The following RYR3 variants were observed in gnomAD, a reference collection of about 807,000 sequenced individuals.
The protein encoded by RYR3 is brain ryanodine receptor-calcium release channel.
Under a neutral mutation model 584.3 loss-of-function variants are expected in RYR3, and 207 were observed. That is an observed-to-expected ratio of 0.35 (90% CI 0.32 to 0.40). The LOEUF (loss-of-function observed/expected upper bound fraction) is 0.40, where lower values mean the gene tolerates loss of function less well. Ranked by LOEUF, RYR3 falls within the 10% of genes least tolerant of loss-of-function variation. RYR3 has a pLI of 1.00. For synonymous variants in RYR3, 2,416 were observed against 2,248.5 expected (o/e 1.07, Z -2.11); for missense variants, 5,616 against 6,089.2 (o/e 0.92, Z 2.59).
rs1555448829 is a variant in RYR3 at position 33,379,687 on chromosome 15, C to CTATATATATA, written c.51+68603_51+68612dup. ...TGTCCCTCTCTCTCTCTCTCTCTCT[C>CTATATATATA]TATATATATATATATATATATGAAT... On this transcript the variant is annotated intron_variant, in intron 1 of 103. Coordinates refer to ENST00000634891, the MANE Select transcript of RYR3 (RefSeq NM_001036.6). Among the ~76,000 whole-genome samples the CTATATATATA allele has an allele frequency of 2.3e-4, 29 of 125,490 alleles. 1 individual carries two copies. The highest frequency in any genetic ancestry group is 3.5e-4 in the Non-Finnish European group (22 of 62,166). The allele number at this position is 125,490 out of a possible 152,430, so 82.3% of individuals were successfully genotyped here.
intron 38 of RYR3, among the ~76,000 whole-genome samples, chr15:33,685,976 C>T: frequency 6.6e-6 from 1 of 152,030 alleles, no homozygotes. Context: ...ACTAAATGCC[C>T]ACAAGAGAAA....
At chr15:33,595,146 C>G (rs930541422) in intron 16 of RYR3, among the ~76,000 whole-genome samples, 2 of 152,142 alleles carry the variant, frequency 1.3e-5, no homozygotes, top group African/African-American at 4.8e-5. Context: ...ACACTTGATA[C>G]TACAAAATAG....
At chr15:33,680,704 T>A (rs913524117) in intron 38 of RYR3, among the ~76,000 whole-genome samples, 1 of 152,346 alleles carries the variant, frequency 6.6e-6, no homozygotes, top group South Asian at 2.1e-4. Context: ...TTGGGTCATT[T>A]TACATTCCTG....
chr15:33,565,001 A>G (rs2057626183), intron 11 of RYR3, among the ~76,000 whole-genome samples: 1 of 152,220 alleles, frequency 6.6e-6, no homozygotes, highest in Admixed American at 6.5e-5. Context: ...GAGCACAAAC[A>G]GAATGAAACA....
At chr15:33,708,392 C>T (rs1233036302) in intron 43 of RYR3, among the ~76,000 whole-genome samples, 1 of 152,194 alleles carries the variant, frequency 6.6e-6, no homozygotes, top group Middle Eastern at 3.2e-3. Context: ...ATGAGACCAT[C>T]TACCTGGATC....
intron 1 of RYR3, among the ~76,000 whole-genome samples, chr15:33,353,981 G>A (rs1973625108): frequency 6.6e-6 from 1 of 152,164 alleles, no homozygotes; most frequent in African/African-American, 2.4e-5. Flanking sequence ...GAGCAGATTG[G>A]ACATTGATTT....
chr15:33,778,045 C>T (rs2074128284), intron 64 of RYR3, among the ~76,000 whole-genome samples: 1 of 152,078 alleles, frequency 6.6e-6, no homozygotes, highest in African/African-American at 2.4e-5. Context: ...TGGTGCGTGC[C>T]TGTAGTCCCA....
intron 10 of RYR3, among the ~76,000 whole-genome samples, chr15:33,553,334 T>C (rs2141272245): frequency 6.6e-6 from 1 of 152,282 alleles, no homozygotes; most frequent in African/African-American, 2.4e-5. Context: ...TCAGGTTGCA[T>C]TAGCTTGTGA....
intron 3 of RYR3, among the ~76,000 whole-genome samples, chr15:33,528,089 T>A (rs1450361971): frequency 6.6e-6 from 1 of 152,156 alleles, no homozygotes; most frequent in Non-Finnish European, 1.5e-5. Context: ...TTTTTCTACT[T>A]CTGTGGCTTG....
chr15:33,739,468 G>T (rs1382217270), intron 50 of RYR3, among the ~76,000 whole-genome samples: 1 of 151,816 alleles, frequency 6.6e-6, no homozygotes, highest in Non-Finnish European at 1.5e-5. Flanking sequence ...CCAGTTATAA[G>T]TTGGGTCCGT....
intron 96 of RYR3, among the ~76,000 whole-genome samples, 172 bp downstream of exon 96, chr15:33,853,854 A>C (rs2079359770): frequency 6.6e-6 from 1 of 152,138 alleles, no homozygotes; most frequent in African/African-American, 2.4e-5. Context: ...TTGAAGACTA[A>C]TACATTTTTA....
Position 33,400,496 on chromosome 15 carries a change from C to T in RYR3, c.52-72923C>T, listed in dbSNP as rs559962276. On this transcript the variant is annotated intron_variant, in intron 1 of 103. Transcript: ENST00000634891. Reference sequence around the variant, plus strand: ...ACGTGCTGGGGGAAAAGCAGGTGAGCTCCTGTGTGATTTCCCTATTTAGAG... The same window carrying T: ...ACGTGCTGGGGGAAAAGCAGGTGAGTTCCTGTGTGATTTCCCTATTTAGAG... Among the ~76,000 whole-genome samples the T allele has an allele frequency of 1.4e-4, 22 of 152,288 alleles. No individual in the cohort carries two copies. In the East Asian group the frequency reaches 2.7e-3, roughly 19 times the overall value.
In RYR3 at chr15:33,801,941, A is replaced by G; in HGVS notation, c.9991A>G (p.Ser3331Gly). Residue 3331 changes from serine to glycine, a missense_variant, in exon 69 of 104, where the codon AGC becomes GGC. By Grantham distance (56) the Ser-to-Gly change is moderately conservative. Coordinates refer to ENST00000634891, the MANE Select transcript of RYR3 (RefSeq NM_001036.6). ...TAATTTGGCATTTTTAACTGGAGAC[A>G]GCAAAAGCAAGATGTCAAAAGTAAG... is the stretch of plus-strand genomic sequence containing the variant. Reference protein sequence around the residue: ...INNLAFLTGDSKSKMSKAMQV... With the variant: ...INNLAFLTGDGKSKMSKAMQV... 1 of 1,591,890 alleles carries G rather than the reference A, an allele frequency of 6.3e-7. No individual in the cohort carries two copies. The highest frequency in any genetic ancestry group is 8.6e-7 in the Non-Finnish European group (1 of 1,164,608).
chr15:33,852,528 T>C (rs926264294), intron 94 of RYR3: 9 of 155,396 alleles, frequency 5.8e-5, no homozygotes, highest in Admixed American at 5.6e-4. Context: ...AACACTCAGC[T>C]TAAAAAATCC....
In RYR3 at chr15:33,799,149, A is replaced by G. The variant is rs560842474; in HGVS notation, c.9831-1621A>G. Among the ~76,000 whole-genome samples the G allele has an allele frequency of 5.3e-5, 8 of 152,338 alleles. No individual in the cohort carries two copies. In the South Asian group the frequency reaches 8.3e-4, roughly 16 times the overall value. The stretch of plus-strand genomic sequence containing the variant: ...GCTCTTCATCTCTGCTTCCTGGCAC[A>G]GAGCTCCCAAAACTCATAGAATTTC... On this transcript the variant is annotated intron_variant, in intron 67 of 103. Coordinates refer to ENST00000634891, the MANE Select transcript of RYR3 (RefSeq NM_001036.6).
intron 1 of RYR3, among the ~76,000 whole-genome samples, chr15:33,413,966 G>T (rs28493509): frequency 3.2e-3 from 483 of 152,302 alleles, no homozygotes; most frequent in African/African-American, 0.011. Flanking sequence ...CATCAAGGAG[G>T]TTTCTCAGGA....
chr15:33,511,149 T>TA (rs1036121483), intron 3 of RYR3, among the ~76,000 whole-genome samples: 2 of 152,022 alleles, frequency 1.3e-5, no homozygotes, highest in African/African-American at 4.8e-5. Flanking sequence ...ATGTTAGTTA[T>TA]AAAAAAGTGG....
intron 64 of RYR3, among the ~76,000 whole-genome samples, chr15:33,774,080 A>G (rs2073823746): frequency 6.6e-6 from 1 of 152,220 alleles, no homozygotes; most frequent in African/African-American, 2.4e-5. Flanking sequence ...GTTTTCAACA[A>G]GTGCACACTT....
chr15:33,380,556 T>A (rs377474735), intron 1 of RYR3, among the ~76,000 whole-genome samples: 1 of 152,214 alleles, frequency 6.6e-6, no homozygotes, highest in African/African-American at 2.4e-5. Context: ...GGGAGAGGGC[T>A]AAATATAGCA....
Sources: allele counts gnomAD v4.1 joint callset (sites outside exome capture counted in the v4.1 genomes callset), GRCh38; gene constraint gnomAD v4.1.1; transcripts MANE v1.5; gene names NCBI Gene and HGNC (gene_info 2026-07-23, HGNC 2026-07-21).